Variants in TANC2 observed in about 807,000 individuals in gnomAD.
The protein encoded by TANC2 is tetratricopeptide repeat, ankyrin repeat and coiled-coil containing 2.
In TANC2, 26 loss-of-function variants were observed where a neutral mutation model predicts 210.5. That is an observed-to-expected ratio of 0.12 (90% CI 0.09 to 0.17). The LOEUF (loss-of-function observed/expected upper bound fraction) is 0.17, where lower values mean the gene tolerates loss of function less well. Ranked by LOEUF, TANC2 falls within the 10% of genes least tolerant of loss-of-function variation. TANC2 has a pLI of 1.00. For synonymous variants in TANC2, 931 were observed against 967.1 expected (o/e 0.96, Z 0.69); for missense variants, 2,129 against 2,608.9 (o/e 0.82, Z 4.01).
At chr17:63,258,248 T>A (rs1192472296) in intron 8 of TANC2, among the ~76,000 whole-genome samples, 1 of 152,212 alleles carries the variant, frequency 6.6e-6, no homozygotes, top group Non-Finnish European at 1.5e-5. Flanking sequence ...CCTTTGTATG[T>A]TGTTTCTTTT....
chr17:63,116,069 G>A (rs1175378014), intron 4 of TANC2, among the ~76,000 whole-genome samples: 2 of 152,070 alleles, frequency 1.3e-5, no homozygotes, highest in South Asian at 2.1e-4. Flanking sequence ...GTAAGAGAAT[G>A]GTATAATAGG....
At chr17:62,982,303 TG>T (rs1418495697) in intron 1 of TANC2, among the ~76,000 whole-genome samples, 1 of 152,194 alleles carries the variant, frequency 6.6e-6, no homozygotes, top group African/African-American at 2.4e-5. Flanking sequence ...TTTCAGGAAC[TG>T]GGGACAAAGG....
At chr17:63,287,088 A>C (rs1483459289) in intron 9 of TANC2, among the ~76,000 whole-genome samples, 1 of 151,938 alleles carries the variant, frequency 6.6e-6, no homozygotes, top group Non-Finnish European at 1.5e-5. Flanking sequence ...AGCCGCCACC[A>C]CACTTGGCTA....
intron 13 of TANC2, among the ~76,000 whole-genome samples, chr17:63,354,446 T>G (rs2046721523): frequency 6.6e-6 from 1 of 152,206 alleles, no homozygotes; most frequent in South Asian, 2.1e-4. Flanking sequence ...CATTATGCCC[T>G]GGTTTACACT....
chr17:63,347,418 A>G lies in TANC2; in HGVS notation c.1808-3832A>G, dbSNP rs148233702. Among the ~76,000 whole-genome samples, 172 of 152,338 alleles carry G rather than the reference A, an allele frequency of 1.1e-3. 2 individuals carry two copies. The highest frequency in any genetic ancestry group is 3.8e-3 in the African/African-American group (159 of 41,568). On this transcript the variant is annotated intron_variant, in intron 12 of 27. Transcript: ENST00000689528. ...ATTTGATCACAGTATTGCTTACATG[A>G]GTACATATAGCTGTCAAAACTTATC...
At chr17:62,982,842 C>T (rs1290949797) in intron 1 of TANC2, among the ~76,000 whole-genome samples, 1 of 152,146 alleles carries the variant, frequency 6.6e-6, no homozygotes, top group East Asian at 1.9e-4. Flanking sequence ...TATGTCGGTA[C>T]CATGCTGTTT....
chr17:63,028,493 G>C (rs2034642071), intron 2 of TANC2, among the ~76,000 whole-genome samples: 1 of 152,082 alleles, frequency 6.6e-6, no homozygotes, highest in South Asian at 2.1e-4. Context: ...GCTTGGGCTA[G>C]GGCAGTTAAT....
At chr17:63,055,800 T>C (rs968083679) in intron 2 of TANC2, among the ~76,000 whole-genome samples, 1 of 150,048 alleles carries the variant, frequency 6.7e-6, no homozygotes, top group African/African-American at 2.4e-5. Context: ...AGTCTTGCTT[T>C]TTTGAGTAAT....
chr17:63,404,070 A>G (rs997610988), intron 19 of TANC2, among the ~76,000 whole-genome samples: 28 of 152,200 alleles, frequency 1.8e-4, no homozygotes, highest in Admixed American at 1.6e-3. Context: ...GGCCATAATA[A>G]AAGAAGAACC....
intron 7 of TANC2, among the ~76,000 whole-genome samples, chr17:63,229,919 G>T (rs894856423): frequency 1.3e-5 from 2 of 151,914 alleles, no homozygotes; most frequent in Non-Finnish European, 2.9e-5. Context: ...TCAGCCTCCT[G>T]AGTAGCTGGG....
chr17:63,384,847 G>A (rs2047728132), intron 15 of TANC2, among the ~76,000 whole-genome samples: 1 of 152,178 alleles, frequency 6.6e-6, no homozygotes, highest in South Asian at 2.1e-4. Flanking sequence ...TAAAGGTAAA[G>A]GGAGAAAGCA....
chr17:63,323,294 A>G (rs2045552526), intron 11 of TANC2, among the ~76,000 whole-genome samples: 2 of 152,230 alleles, frequency 1.3e-5, no homozygotes, highest in Admixed American at 1.3e-4. Flanking sequence ...ATTTCATAAC[A>G]TTCTTGCTCT....
At position 63,369,822 on chromosome 17, in the gene TANC2, C is replaced by T. The variant is rs1407688629; in HGVS notation, c.2583-9896C>T. 3.3e-5 allele frequency among the ~76,000 whole-genome samples: 5 copies of T among 151,994 alleles called. No homozygotes were observed. The East Asian group carries it at 7.8e-4, about 24-fold the overall frequency. ...TTTATCATGGTAGCCAGGCTGGTCT[C>T]GAACTTCTGGCCTCAAGTGATCTGC... On this transcript the variant is annotated intron_variant, in intron 14 of 27. Transcript: ENST00000689528.
At chr17:63,218,716 C>T (rs1282907535) in intron 7 of TANC2, among the ~76,000 whole-genome samples, 2 of 151,816 alleles carry the variant, frequency 1.3e-5, no homozygotes, top group Non-Finnish European at 2.9e-5. Flanking sequence ...GCCAACATGG[C>T]GAAACCTCCT....
chr17:63,119,076 C>G lies in TANC2; in HGVS notation c.322+19719C>G, dbSNP rs117514398. On this transcript the variant is annotated intron_variant, in intron 4 of 27. Coordinates refer to ENST00000689528, the Ensembl canonical transcript of TANC2. ...GGATTACAGGAGTGAGCCACCACAC[C>G]CGGCCCTCCAACTAATTTTTTTAAA... Among the ~76,000 whole-genome samples, 190 of 152,160 alleles carry G rather than the reference C, an allele frequency of 1.2e-3. 4 individuals carry two copies. The East Asian group carries it at 0.033, about 27-fold the overall frequency.
intron 9 of TANC2, among the ~76,000 whole-genome samples, chr17:63,287,347 C>T (rs893157630): frequency 1.3e-5 from 2 of 152,272 alleles, no homozygotes. Flanking sequence ...AGATATTTCT[C>T]TACTAATTCT....
intron 5 of TANC2, among the ~76,000 whole-genome samples, chr17:63,170,468 G>A (rs971257814): frequency 2.0e-5 from 3 of 150,340 alleles, no homozygotes; most frequent in African/African-American, 4.9e-5. Context: ...AAATTATTTT[G>A]TTCAGTTGTT....
At chr17:63,163,248 GTT>G (rs1338329791) in intron 5 of TANC2, among the ~76,000 whole-genome samples, 2 of 152,144 alleles carry the variant, frequency 1.3e-5, no homozygotes, top group African/African-American at 4.8e-5. Flanking sequence ...GTTATGGACA[GTT>G]TGTAGTCATT....
chr17:63,405,312 T>A (rs1448138589), intron 20 of TANC2, 57 bp downstream of exon 20: 3 of 1,474,188 alleles, frequency 2.0e-6, no homozygotes, highest in Non-Finnish European at 2.7e-6. Flanking sequence ...AGGTGAGGAC[T>A]TCTGATGCAC....
Sources: gnomAD v4.1 joint callset for allele counts (sites outside exome capture counted in the v4.1 genomes callset) on GRCh38, gnomAD v4.1.1 for gene constraint, MANE v1.5 for transcripts, NCBI Gene and HGNC (gene_info 2026-07-23, HGNC 2026-07-21) for gene names.